The following AFG2A variants were observed in gnomAD, a reference collection of about 807,000 sequenced individuals.
AFG2A encodes AAA ATPase AFG2A, also known as ATPase family gene 2 protein homolog A.
At chr4:123,003,206 C>G in the AFG2A span, among the ~76,000 whole-genome samples, 1 of 152,196 alleles carries the variant, frequency 6.6e-6, no homozygotes, top group Non-Finnish European at 1.5e-5. Context: ...ATACATTCGT[C>G]TAAAGTTTTT....
At chr4:122,978,435 A>G in the AFG2A span, among the ~76,000 whole-genome samples, 20 of 152,122 alleles carry the variant, frequency 1.3e-4, no homozygotes, top group Admixed American at 5.2e-4. Flanking sequence ...TGGGCTTCAG[A>G]AGGGAGGAAG....
the AFG2A span, among the ~76,000 whole-genome samples, chr4:123,186,059 C>T: frequency 6.6e-6 from 1 of 152,002 alleles, no homozygotes; most frequent in South Asian, 2.1e-4. Context: ...TGAAGCTAAA[C>T]GAAATTACAA....
chr4:123,256,185 GA>G, the AFG2A span: 3 of 1,613,474 alleles, frequency 1.9e-6, no homozygotes, highest in Non-Finnish European at 2.5e-6. Context: ...GCAGAGGTAA[GA>G]TAGTTCCCTT....
chr4:122,976,622 C>T, the AFG2A span, among the ~76,000 whole-genome samples: 1 of 152,196 alleles, frequency 6.6e-6, no homozygotes. Flanking sequence ...CACTAGCCTC[C>T]CCTTTTAGAT....
the AFG2A span, among the ~76,000 whole-genome samples, chr4:123,239,476 C>T: frequency 6.6e-6 from 1 of 152,120 alleles, no homozygotes; most frequent in African/African-American, 2.4e-5. Context: ...AGACTAACAG[C>T]GGCTCTCTCG....
the AFG2A span, among the ~76,000 whole-genome samples, chr4:123,180,322 C>G: frequency 6.6e-6 from 1 of 152,108 alleles, no homozygotes; most frequent in Admixed American, 6.6e-5. Context: ...AACCTCTTTA[C>G]CCTCTTTGGT....
chr4:122,988,046 A>G, the AFG2A span, among the ~76,000 whole-genome samples: 1 of 142,508 alleles, frequency 7.0e-6, no homozygotes, highest in Non-Finnish European at 1.5e-5. Context: ...CTTTTCTGGT[A>G]TAGTATTCTT....
the AFG2A span, among the ~76,000 whole-genome samples, chr4:123,214,156 G>A: frequency 6.6e-6 from 1 of 152,050 alleles, no homozygotes; most frequent in Non-Finnish European, 1.5e-5. Flanking sequence ...ATTCCACTGG[G>A]CTTACTCTTG....
the AFG2A span, among the ~76,000 whole-genome samples, chr4:123,125,144 T>G: frequency 9.2e-5 from 14 of 152,264 alleles, no homozygotes; most frequent in African/African-American, 3.4e-4. Context: ...TGTACATAGA[T>G]TTTTCTAGAC....
At chr4:123,207,971 A>G in the AFG2A span, among the ~76,000 whole-genome samples, 1 of 152,208 alleles carries the variant, frequency 6.6e-6, no homozygotes, top group Non-Finnish European at 1.5e-5. Flanking sequence ...CCAAATAGCC[A>G]AAACAATATT....
chr4:123,189,358 G>A, the AFG2A span, among the ~76,000 whole-genome samples: 5 of 152,156 alleles, frequency 3.3e-5, no homozygotes, highest in Non-Finnish European at 7.4e-5. Context: ...TGTACACCCA[G>A]GGACCAGAGT....
the AFG2A span, among the ~76,000 whole-genome samples, chr4:123,063,531 G>A: frequency 5.3e-5 from 8 of 152,160 alleles, no homozygotes; most frequent in Admixed American, 4.6e-4. Flanking sequence ...CGGATCACGA[G>A]GTCAGGAGAT....
the AFG2A span, among the ~76,000 whole-genome samples, chr4:123,305,474 T>C: frequency 3.3e-5 from 5 of 152,276 alleles, no homozygotes; most frequent in East Asian, 5.8e-4. Context: ...CCAGGTCTTA[T>C]CTGGAAATGG....
chr4:123,017,270 G>A, the AFG2A span, among the ~76,000 whole-genome samples: 6 of 149,702 alleles, frequency 4.0e-5, no homozygotes, highest in African/African-American at 1.5e-4. Flanking sequence ...GCGAGAGCGA[G>A]AGCGAGAGCT....
chr4:123,302,326 C>A, the AFG2A span, among the ~76,000 whole-genome samples: 1 of 152,210 alleles, frequency 6.6e-6, no homozygotes, highest in African/African-American at 2.4e-5. Flanking sequence ...TGTGGTGCCT[C>A]TTCCAGAGCT....
chr4:123,187,537 A>G, the AFG2A span, among the ~76,000 whole-genome samples: 1 of 152,166 alleles, frequency 6.6e-6, no homozygotes, highest in Admixed American at 6.5e-5. Flanking sequence ...GTTATTAAGA[A>G]TATTGGTATT....
At chr4:123,128,575 T>C in the AFG2A span, among the ~76,000 whole-genome samples, 1 of 152,136 alleles carries the variant, frequency 6.6e-6, no homozygotes, top group Non-Finnish European at 1.5e-5. Context: ...TTTTATTATT[T>C]AATGTGAGTC....
chr4:122,987,165 AATTGCTATGAAATAGCATG>A, the AFG2A span, among the ~76,000 whole-genome samples: 1 of 152,102 alleles, frequency 6.6e-6, no homozygotes, highest in African/African-American at 2.4e-5. Flanking sequence ...TTTGCATGAA[AATTGCTATGAAATAGCATG>A]ATTGCTATTT....
At chr4:123,006,039 T>C in the AFG2A span, among the ~76,000 whole-genome samples, 1 of 152,168 alleles carries the variant, frequency 6.6e-6, no homozygotes, top group African/African-American at 2.4e-5. Context: ...ATCATGTTCC[T>C]TACTCTTGAA....
Sources: gnomAD v4.1 joint callset for allele counts (sites outside exome capture counted in the v4.1 genomes callset) on GRCh38, gnomAD v4.1.1 for gene constraint, MANE v1.5 for transcripts, NCBI Gene and HGNC (gene_info 2026-07-23, HGNC 2026-07-21) for gene names.